TTC6: variants seen among roughly 807,000 people sequenced by gnomAD.
The protein encoded by TTC6 is tetratricopeptide repeat protein 6.
In TTC6, 172 loss-of-function variants were observed where a neutral mutation model predicts 210.4. The ratio of observed to expected loss-of-function variants is 0.82; its 90% CI spans 0.72 to 0.93. The LOEUF is 0.93. Ranked by LOEUF, TTC6 falls within the 40% of genes least tolerant of loss-of-function variation. TTC6 has a pLI of 0.00. For synonymous variants in TTC6, 804 were observed against 819.6 expected (o/e 0.98, Z 0.32); for missense variants, 2,414 against 2,318.1 (o/e 1.04, Z -0.85).
intron 5 of TTC6, among the ~76,000 whole-genome samples, chr14:37,703,876 G>A (rs904892348): frequency 2.6e-5 from 4 of 151,982 alleles, no homozygotes; most frequent in African/African-American, 7.3e-5. Context: ...CAAATTTTTG[G>A]TATGAAATTT....
chr14:37,716,398 A>G (rs1356272984), intron 6 of TTC6, among the ~76,000 whole-genome samples: 1 of 152,112 alleles, frequency 6.6e-6, no homozygotes, highest in Non-Finnish European at 1.5e-5. Context: ...CGGAGTGGTA[A>G]AATGGATTAA....
chr14:37,601,416 C>T (rs2095615366), intron 1 of TTC6, among the ~76,000 whole-genome samples: 1 of 152,192 alleles, frequency 6.6e-6, no homozygotes. Flanking sequence ...AGTCAGTCAA[C>T]TAACTAGCCC....
At chr14:37,723,545 A>C (rs1426077866) in intron 6 of TTC6, among the ~76,000 whole-genome samples, 2 of 152,150 alleles carry the variant, frequency 1.3e-5, no homozygotes, top group Non-Finnish European at 2.9e-5. Flanking sequence ...CTTCTACTCC[A>C]GCAGTGACAA....
intron 1 of TTC6, among the ~76,000 whole-genome samples, chr14:37,637,031 C>T (rs1374912135): frequency 6.6e-6 from 1 of 151,986 alleles, no homozygotes; most frequent in Non-Finnish European, 1.5e-5. Context: ...AGTGCAGAAG[C>T]AGTTAACTTC....
intron 2 of TTC6, among the ~76,000 whole-genome samples, chr14:37,682,480 G>T (rs2138559203): frequency 6.6e-6 from 1 of 152,212 alleles, no homozygotes; most frequent in South Asian, 2.1e-4. Context: ...AAATTTCATA[G>T]TATTTGGTAT....
chr14:37,609,893 T>C (rs1290323981), intron 2 of TTC6, among the ~76,000 whole-genome samples: 1 of 152,196 alleles, frequency 6.6e-6, no homozygotes, highest in East Asian at 1.9e-4. Context: ...AAGCTGCCCA[T>C]ACAGAGTGCT....
At position 37,662,142 on chromosome 14, in the gene TTC6, ATT is replaced by A. The variant is rs1300158761; in HGVS notation, c.940-18006_940-18005del. ...CTCCCTTCCTATTTAAATATGCTTT[ATT>A]TTGTTCTTTTGCCTGATTGCCCTGG... On this transcript the variant is annotated intron_variant, in intron 1 of 30. Coordinates refer to ENST00000553443, the Ensembl canonical transcript of TTC6. 4.6e-5 allele frequency among the ~76,000 whole-genome samples: 7 copies of A among 152,252 alleles called. No homozygotes were observed. In the East Asian group the frequency reaches 1.4e-3, roughly 29 times the overall value.
At chr14:37,684,404 G>A (rs560524083) in intron 3 of TTC6, among the ~76,000 whole-genome samples, 1 of 152,068 alleles carries the variant, frequency 6.6e-6, no homozygotes, top group Non-Finnish European at 1.5e-5. Flanking sequence ...CAGGGACAAG[G>A]GTCTTATCCT....
At chr14:37,679,757 C>T (rs1294134974) in intron 1 of TTC6, among the ~76,000 whole-genome samples, 1 of 152,104 alleles carries the variant, frequency 6.6e-6, no homozygotes, top group Non-Finnish European at 1.5e-5. Flanking sequence ...ATGGCATGAT[C>T]TCAGCTCACT....
intron 3 of TTC6, among the ~76,000 whole-genome samples, chr14:37,687,309 C>T (rs2095795857): frequency 6.6e-6 from 1 of 152,164 alleles, no homozygotes; most frequent in Non-Finnish European, 1.5e-5. Flanking sequence ...AGAGGAATAG[C>T]TGATCTCAGT....
intron 1 of TTC6, among the ~76,000 whole-genome samples, chr14:37,628,039 C>G (rs2095663333): frequency 6.6e-6 from 1 of 152,196 alleles, no homozygotes; most frequent in African/African-American, 2.4e-5. Context: ...GGCATGATCT[C>G]AGCTCACTGC....
At chr14:37,823,359 A>C (rs1566975278) in intron 26 of TTC6, among the ~76,000 whole-genome samples, 1 of 152,150 alleles carries the variant, frequency 6.6e-6, no homozygotes, top group African/African-American at 2.4e-5. Flanking sequence ...CATATAAATA[A>C]GTTTAATTTA....
At chr14:37,825,967 T>G (rs566864751) in intron 27 of TTC6, among the ~76,000 whole-genome samples, 137 of 152,198 alleles carry the variant, frequency 9.0e-4, no homozygotes, top group Non-Finnish European at 1.5e-3. Context: ...GGAAGTTAAA[T>G]TTATTTTAAT....
At chr14:37,721,537 C>A (rs997170628) in intron 6 of TTC6, among the ~76,000 whole-genome samples, 2 of 151,806 alleles carry the variant, frequency 1.3e-5, no homozygotes, top group African/African-American at 4.8e-5. Context: ...GACCAGTTTG[C>A]TTCATCCCTT....
intron 16 of TTC6, among the ~76,000 whole-genome samples, 168 bp from the exon 19 acceptor site, chr14:37,792,096 A>G (rs1314120426): frequency 6.6e-6 from 1 of 152,212 alleles, no homozygotes; most frequent in Non-Finnish European, 1.5e-5. Flanking sequence ...AAAGGTGTTT[A>G]TAGTTTTTCA....
chr14:37,607,654 G>T (rs1419182766), intron 2 of TTC6, among the ~76,000 whole-genome samples: 7 of 149,960 alleles, frequency 4.7e-5, no homozygotes, highest in Non-Finnish European at 8.9e-5. Flanking sequence ...TTTGAGACAG[G>T]GTCCTGCTCT....
rs377117749 is a variant in TTC6, at chr14:37,672,821, A to ATTTTTTTTTTTTTTTTTTTTTTTTT, written c.940-7311_940-7310insTTTTTTTTTTTTTTTTTTTTTTTTT. On this transcript the variant is annotated intron_variant, in intron 1 of 30. Coordinates refer to ENST00000553443, the Ensembl canonical transcript of TTC6. ...TAAGCAAGCTTTTCATGAATTCCTCATTTTTTTTTTTTTTTTTTTACTAAA... is the reference window on the plus strand; with the variant it reads ...TAAGCAAGCTTTTCATGAATTCCTCATTTTTTTTTTTTTTTTTTTTTTTTTTTTTTTTTTTTTTTTTTTTACTAAA... Among the ~76,000 whole-genome samples the ATTTTTTTTTTTTTTTTTTTTTTTTT allele has an allele frequency of 2.9e-4, 38 of 128,984 alleles. 1 individual carries two copies. The highest frequency in any genetic ancestry group is 6.5e-4 in the African/African-American group (21 of 32,474). 84.6% of individuals were successfully genotyped at this position (128,984 alleles called of 152,430 possible).
At chr14:37,785,223 A>G (rs1304255607) in intron 14 of TTC6, among the ~76,000 whole-genome samples, 1 of 152,146 alleles carries the variant, frequency 6.6e-6, no homozygotes, top group African/African-American at 2.4e-5. Flanking sequence ...GTGTTTTCCA[A>G]CTTGGTTTCA....
At chr14:37,703,043 T>C (rs2095828502) in intron 5 of TTC6, among the ~76,000 whole-genome samples, 1 of 152,074 alleles carries the variant, frequency 6.6e-6, no homozygotes, top group African/African-American at 2.4e-5. Context: ...GTGTCTCCAA[T>C]AGAAAATAGC....
Sources: gnomAD v4.1 joint callset for allele counts (sites outside exome capture counted in the v4.1 genomes callset) on GRCh38, gnomAD v4.1.1 for gene constraint, MANE v1.5 for transcripts, NCBI Gene and HGNC (gene_info 2026-07-23, HGNC 2026-07-21) for gene names.